Variants in SBF2 observed in about 807,000 individuals in gnomAD.
SBF2 encodes the protein SET binding factor 2.
SBF2 carries 112 observed loss-of-function variants against 225.2 expected under a neutral mutation model. That is an observed-to-expected ratio of 0.50 (90% confidence interval 0.43 to 0.58). The LOEUF (loss-of-function observed/expected upper bound fraction) is 0.58, where lower values mean the gene tolerates loss of function less well. Among genes scored for constraint, SBF2 ranks in the 20% least tolerant of loss-of-function variants. The pLI is 0.00. For synonymous variants in SBF2, 763 were observed against 773.3 expected (o/e 0.99, Z 0.22); for missense variants, 1,996 against 2,206.2 (o/e 0.90, Z 1.91).
At chr11:10,077,126 T>C (rs995812692) in intron 2 of SBF2, among the ~76,000 whole-genome samples, 1 of 151,872 alleles carries the variant, frequency 6.6e-6, no homozygotes, top group African/African-American at 2.4e-5. Flanking sequence ...TGCATGGGGT[T>C]TGACCACTGC....
intron 2 of SBF2, among the ~76,000 whole-genome samples, chr11:10,063,858 C>CACACAGAGAG (rs373423157): frequency 4.0e-3 from 548 of 136,188 alleles, no homozygotes; most frequent in Middle Eastern, 7.4e-3. Flanking sequence ...CACACACACA[C>CACACAGAGAG]AGAGAGAGAG....
Position 9,910,662 on chromosome 11 carries a change from T to G in SBF2, c.1861-14651A>C, listed in dbSNP as rs373709139. 2.4e-4 allele frequency among the ~76,000 whole-genome samples: 36 copies of G among 150,088 alleles called. No homozygotes were observed. The South Asian group carries it at 7.3e-3, about 30-fold the overall frequency. On this transcript the variant is annotated intron_variant, in intron 16 of 39. Coordinates refer to ENST00000256190, the MANE Select transcript of SBF2 (RefSeq NM_030962.4). ...CCCTGTGTAGGTCTAGGCTAATGTG[T>G]GGATTTGTGTCTTCATTTTTAATGA...
chr11:10,097,613 G>C (rs1021498796), intron 2 of SBF2, among the ~76,000 whole-genome samples: 3 of 152,188 alleles, frequency 2.0e-5, no homozygotes, highest in Non-Finnish European at 2.9e-5. Context: ...TCTTCCTGCA[G>C]AAACAATATT....
chr11:10,087,497 G>A (rs548223857), intron 2 of SBF2, among the ~76,000 whole-genome samples: 1 of 152,222 alleles, frequency 6.6e-6, no homozygotes, highest in South Asian at 2.1e-4. Flanking sequence ...TATTCCAAAT[G>A]ACTGAGATAA....
intron 17 of SBF2, among the ~76,000 whole-genome samples, chr11:9,867,273 A>T (rs1445895147): frequency 6.6e-6 from 1 of 152,204 alleles, no homozygotes; most frequent in African/African-American, 2.4e-5. Context: ...GTACCCACAA[A>T]AATTACAAAT....
In SBF2 at chr11:10,107,054, C is replaced by G. The variant is rs184936853; in HGVS notation, c.142-64073G>C. On this transcript the variant is annotated intron_variant, in intron 2 of 39. Coordinates refer to ENST00000256190, the MANE Select transcript of SBF2 (RefSeq NM_030962.4). ...TGTGGAGGCAATGGACCTCACTCTA[C>G]TTGAAGAAATGGTGTACAATATATT... Among the ~76,000 whole-genome samples the G allele has an allele frequency of 2.0e-5, 3 of 152,316 alleles. No individual in the cohort carries two copies. The East Asian group carries it at 5.8e-4, about 29-fold the overall frequency.
intron 10 of SBF2, among the ~76,000 whole-genome samples, chr11:9,993,608 C>T (rs1947537430): frequency 1.3e-5 from 2 of 152,188 alleles, no homozygotes; most frequent in Non-Finnish European, 2.9e-5. Flanking sequence ...CCTTGTGTGG[C>T]CATTTCAATT....
intron 2 of SBF2, among the ~76,000 whole-genome samples, chr11:10,114,183 A>G (rs1953021360): frequency 6.6e-6 from 1 of 152,212 alleles, no homozygotes; most frequent in South Asian, 2.1e-4. Context: ...TAAATTAGAT[A>G]ATGCATGTAT....
intron 2 of SBF2, among the ~76,000 whole-genome samples, chr11:10,190,150 T>TA (rs58088340): frequency 6.8e-6 from 1 of 146,606 alleles, no homozygotes; most frequent in Non-Finnish European, 1.5e-5. Context: ...AAACTCCGTC[T>TA]AAAAAAAAAA....
At chr11:10,091,386 T>C (rs1951776634) in intron 2 of SBF2, among the ~76,000 whole-genome samples, 1 of 152,206 alleles carries the variant, frequency 6.6e-6, no homozygotes, top group Non-Finnish European at 1.5e-5. Flanking sequence ...TTCTAGCCTC[T>C]GTATGTCATT....
intron 2 of SBF2, among the ~76,000 whole-genome samples, chr11:10,144,475 A>G (rs112952113): frequency 0.076 from 11,610 of 152,024 alleles, 638 homozygotes; most frequent in East Asian, 0.28. Flanking sequence ...GTGACAGAGC[A>G]AGACCCTATC....
rs189617897 is a variant in SBF2, at chr11:10,172,962, C to A, written c.141+20940G>T. 3.9e-4 allele frequency among the ~76,000 whole-genome samples: 60 copies of A among 152,348 alleles called. 1 individual carries two copies. Among genetic ancestry groups the A allele is most frequent in the African/African-American group, 1.3e-3 (54 of 41,584 alleles). ...GGACTACAGGCATGAGCCAGCGTGC[C>A]TGGCCTTAATTTCCTTCTTAAACTC... is the stretch of plus-strand genomic sequence containing the variant. On this transcript the variant is annotated intron_variant, in intron 2 of 39. Coordinates refer to ENST00000256190, the MANE Select transcript of SBF2 (RefSeq NM_030962.4).
chr11:10,076,642 G>A (rs72858902), intron 2 of SBF2, among the ~76,000 whole-genome samples: 15,687 of 152,194 alleles, frequency 0.1, 969 homozygotes, highest in Non-Finnish European at 0.12. Flanking sequence ...GCATACCACT[G>A]GCAGCAGGCC....
chr11:10,140,240 TAAAGTCTCCTGA>T (rs1185305054), intron 2 of SBF2, among the ~76,000 whole-genome samples: 2 of 152,170 alleles, frequency 1.3e-5, no homozygotes. Context: ...ACATGGTGGC[TAAAGTCTCCTGA>T]AGAGCCTCCG....
chr11:10,213,501 C>T (rs1370834100), intron 1 of SBF2, among the ~76,000 whole-genome samples: 3 of 152,216 alleles, frequency 2.0e-5, no homozygotes, highest in African/African-American at 4.8e-5. Flanking sequence ...TCCAGCACCT[C>T]TCTGAATTTG....
At chr11:9,936,493 C>T (rs998967898) in intron 16 of SBF2, among the ~76,000 whole-genome samples, 2 of 152,162 alleles carry the variant, frequency 1.3e-5, no homozygotes, top group Non-Finnish European at 2.9e-5. Flanking sequence ...ACTATAAAGA[C>T]ACATGCACAT....
intron 27 of SBF2, among the ~76,000 whole-genome samples, chr11:9,830,907 C>T (rs982883710): frequency 5.3e-5 from 8 of 151,988 alleles, no homozygotes; most frequent in Non-Finnish European, 8.8e-5. Context: ...AATTGTTTTC[C>T]AACTAAAAGC....
At chr11:10,290,194 CCCCTGGGGTGGAGGTGGAT>C (rs1275097707) in intron 1 of SBF2, among the ~76,000 whole-genome samples, 1 of 152,022 alleles carries the variant, frequency 6.6e-6, no homozygotes, top group Admixed American at 6.6e-5. Flanking sequence ...TGTCATGGTA[CCCCTGGGGTGGAGGTGGAT>C]CCCTGGGGTG....
At chr11:10,074,558 T>C (rs1263339692) in intron 2 of SBF2, among the ~76,000 whole-genome samples, 2 of 152,228 alleles carry the variant, frequency 1.3e-5, no homozygotes, top group East Asian at 3.8e-4. Context: ...AAGTCTGTGA[T>C]AGCTATATAT....
Sources: allele counts gnomAD v4.1 joint callset (sites outside exome capture counted in the v4.1 genomes callset), GRCh38; gene constraint gnomAD v4.1.1; transcripts MANE v1.5; gene names NCBI Gene and HGNC (gene_info 2026-07-23, HGNC 2026-07-21).